The following DPP10 variants were observed in gnomAD, a reference collection of about 807,000 sequenced individuals.
The protein encoded by DPP10 is inactive dipeptidyl peptidase 10.
Under a neutral mutation model 120.9 loss-of-function variants are expected in DPP10, and 33 were observed. The ratio of observed to expected loss-of-function variants is 0.27; its 90% CI spans 0.21 to 0.37. DPP10 has a LOEUF of 0.37. Ranked by LOEUF, DPP10 falls within the 10% of genes least tolerant of loss-of-function variation. The pLI is 1.00. For synonymous variants in DPP10, 337 were observed against 326.1 expected, an observed-to-expected ratio of 1.03 and a Z score of -0.36; for missense variants, 816 against 942.8, an observed-to-expected ratio of 0.87 and a Z score of 1.76.
intron 1 of DPP10, among the ~76,000 whole-genome samples, chr2:114,730,746 A>T (rs191763670): frequency 2.8e-4 from 42 of 151,952 alleles, no homozygotes; most frequent in African/African-American, 9.7e-4. Flanking sequence ...GACATGCACC[A>T]CCAGGCCTGG....
At chr2:115,312,814 A>G (rs188764707) in intron 2 of DPP10, among the ~76,000 whole-genome samples, 4 of 152,304 alleles carry the variant, frequency 2.6e-5, no homozygotes, top group Admixed American at 2.6e-4. Flanking sequence ...GCAGGTGGAA[A>G]CTTTCAACCA....
intron 3 of DPP10, among the ~76,000 whole-genome samples, chr2:115,436,934 G>A (rs771867045): frequency 1.3e-5 from 2 of 151,842 alleles, no homozygotes; most frequent in African/African-American, 2.4e-5. Flanking sequence ...ATTCAAAATT[G>A]TGGTCTAACA....
intron 1 of DPP10, among the ~76,000 whole-genome samples, chr2:114,961,269 G>C (rs1698606766): frequency 6.6e-6 from 1 of 151,960 alleles, no homozygotes; most frequent in Non-Finnish European, 1.5e-5. Flanking sequence ...GGTCAGGCTG[G>C]TCTCGAACTC....
At chr2:115,558,144 C>A (rs1440793217) in intron 5 of DPP10, among the ~76,000 whole-genome samples, 1 of 152,120 alleles carries the variant, frequency 6.6e-6, no homozygotes, top group Non-Finnish European at 1.5e-5. Flanking sequence ...AAAACAACTC[C>A]CAGGAGACAC....
chr2:115,360,117 A>G (rs2064670274), intron 3 of DPP10, among the ~76,000 whole-genome samples: 1 of 152,132 alleles, frequency 6.6e-6, no homozygotes, highest in Admixed American at 6.6e-5. Flanking sequence ...AGCCATTTCA[A>G]TTTGGTAAGG....
At chr2:114,871,029 T>C (rs558602789) in intron 1 of DPP10, among the ~76,000 whole-genome samples, 2 of 134,748 alleles carry the variant, frequency 1.5e-5, no homozygotes, top group Non-Finnish European at 3.2e-5. Flanking sequence ...CCCTCTGCTT[T>C]TCTTTGTCTT....
At position 115,158,706 on chromosome 2, in the gene DPP10, A is replaced by T. The variant is rs986916454; in HGVS notation, c.61-150533A>T. ...GTGTAGAAAAACTTCCTTTACTGTTATATGAATGTTATAAAATGTATGCTT... is the reference window on the plus strand; with the variant it reads ...GTGTAGAAAAACTTCCTTTACTGTTTTATGAATGTTATAAAATGTATGCTT... On this transcript the variant is annotated intron_variant, in intron 1 of 25. Coordinates refer to ENST00000410059, the MANE Select transcript of DPP10 (RefSeq NM_020868.6). Among the ~76,000 whole-genome samples the T allele has an allele frequency of 3.3e-5, 5 of 152,242 alleles. 1 individual carries two copies. The highest frequency in any genetic ancestry group is 7.3e-5 in the Non-Finnish European group (5 of 68,034).
chr2:115,717,596 CAA>C (rs887190401), intron 7 of DPP10, among the ~76,000 whole-genome samples: 4 of 146,768 alleles, frequency 2.7e-5, no homozygotes, highest in African/African-American at 1.0e-4. Context: ...TGTTAGTTCT[CAA>C]AAAAAAAATA....
intron 1 of DPP10, among the ~76,000 whole-genome samples, chr2:114,723,936 T>C (rs1180810358): frequency 6.6e-6 from 1 of 152,196 alleles, no homozygotes; most frequent in Admixed American, 6.5e-5. Flanking sequence ...ATCTCCCCTC[T>C]GCACACCCAT....
chr2:114,877,869 A>G (rs2106586322), intron 1 of DPP10, among the ~76,000 whole-genome samples: 1 of 152,108 alleles, frequency 6.6e-6, no homozygotes, highest in Admixed American at 6.5e-5. Flanking sequence ...TCTACCCACT[A>G]GATGCTAGCA....
intron 3 of DPP10, among the ~76,000 whole-genome samples, chr2:115,421,568 AT>A (rs1012589989): frequency 1.3e-4 from 20 of 152,098 alleles, no homozygotes; most frequent in African/African-American, 4.8e-4. Context: ...AATTCGTAAT[AT>A]TTTTTATACC....
intron 1 of DPP10, among the ~76,000 whole-genome samples, chr2:114,587,430 A>G (rs2105131482): frequency 6.6e-6 from 1 of 152,164 alleles, no homozygotes; most frequent in East Asian, 1.9e-4. Flanking sequence ...TCATTTTTAA[A>G]CTGATTTTTT....
chr2:114,770,499 C>A (rs1437744695), intron 1 of DPP10, among the ~76,000 whole-genome samples: 1 of 152,012 alleles, frequency 6.6e-6, no homozygotes, highest in Non-Finnish European at 1.5e-5. Context: ...GTGAATGGAT[C>A]CCAACTTTTG....
At chr2:115,533,028 T>G (rs899046615) in intron 5 of DPP10, among the ~76,000 whole-genome samples, 3 of 152,028 alleles carry the variant, frequency 2.0e-5, no homozygotes, top group Non-Finnish European at 4.4e-5. Context: ...GAAATCAATT[T>G]TTTTAAAATT....
At chr2:115,627,614 C>A (rs972995926) in intron 5 of DPP10, among the ~76,000 whole-genome samples, 2 of 152,106 alleles carry the variant, frequency 1.3e-5, no homozygotes, top group African/African-American at 4.8e-5. Context: ...GTTTGCTGCA[C>A]CTATCAACCT....
Position 114,831,022 on chromosome 2 carries a change from A to ATTTTTTTTT in DPP10, c.60+388212_60+388220dup, listed in dbSNP as rs70941010. On this transcript the variant is annotated intron_variant, in intron 1 of 25. Transcript: ENST00000410059. The stretch of plus-strand genomic sequence containing the variant: ...GGAATATTTAAACATCCATGCAAAG[A>ATTTTTTTTT]TTTTTTTTTTTTTTTTTTTTTTTTT... Among the ~76,000 whole-genome samples, 6 of 45,978 alleles carry ATTTTTTTTT rather than the reference A, an allele frequency of 1.3e-4. 2 individuals carry two copies. The highest frequency in any genetic ancestry group is 3.4e-4 in the African/African-American group (4 of 11,618). The allele number at this position is 45,978 out of a possible 152,430, so 30.2% of individuals were successfully genotyped here.
chr2:115,525,889 T>C lies in DPP10; in HGVS notation c.367-9T>C. The C allele has an allele frequency of 1.9e-6, 3 of 1,583,804 alleles. No homozygotes were observed. The highest frequency in any genetic ancestry group is 2.6e-6 in the Non-Finnish European group (3 of 1,171,304). On this transcript the variant is annotated splice_polypyrimidine_tract_variant and intron_variant, in intron 4 of 25. Transcript: ENST00000410059. ...TTTAAATATAACTGGTTTTTTTTTC[T>C]TTTTCTAGGTAACCTTCAAAGCATC... is the stretch of plus-strand genomic sequence containing the variant.
At chr2:115,594,587 G>T (rs1265117790) in intron 5 of DPP10, among the ~76,000 whole-genome samples, 1 of 152,090 alleles carries the variant, frequency 6.6e-6, no homozygotes, top group Non-Finnish European at 1.5e-5. Flanking sequence ...TGAAAGTTCT[G>T]GAAGTTTTTT....
chr2:114,972,402 G>A lies in DPP10; in HGVS notation c.61-336837G>A, dbSNP rs79493952. Among the ~76,000 whole-genome samples the A allele has an allele frequency of 4.3e-3, 651 of 152,268 alleles. 1 individual carries two copies. Among genetic ancestry groups the A allele is most frequent in the African/African-American group, 0.015 (610 of 41,540 alleles). On this transcript the variant is annotated intron_variant, in intron 1 of 25. Coordinates refer to ENST00000410059, the MANE Select transcript of DPP10 (RefSeq NM_020868.6). ...CACAATTGATTATTGTATATTATTT[G>A]TCATTTATATGGTATGAAAGCCTGG...
Sources: allele counts gnomAD v4.1 joint callset (sites outside exome capture counted in the v4.1 genomes callset), GRCh38; gene constraint gnomAD v4.1.1; transcripts MANE v1.5; gene names NCBI Gene and HGNC (gene_info 2026-07-23, HGNC 2026-07-21).